MED13: variants seen among roughly 807,000 people sequenced by gnomAD.
MED13 encodes the protein mediator of RNA polymerase II transcription subunit 13.
Under a neutral mutation model 225.2 loss-of-function variants are expected in MED13, and 23 were observed. That is an observed-to-expected ratio of 0.10 (90% CI 0.07 to 0.14). The LOEUF is 0.14. MED13 is among the 10% of genes least tolerant of loss of function. The pLI, the probability that MED13 is intolerant of heterozygous loss-of-function variation, is 1.00. For missense variants in MED13, 2,197 were observed against 2,594.5 expected (o/e 0.85, Z 3.33); for synonymous variants, 942 against 889.2 (o/e 1.06, Z -1.06).
intron 8 of MED13, among the ~76,000 whole-genome samples, chr17:62,022,469 CA>C (rs2143645186): frequency 6.6e-6 from 1 of 151,882 alleles, no homozygotes; most frequent in African/African-American, 2.4e-5. Context: ...ATATTAATAA[CA>C]TTTTTTTCAT....
intron 3 of MED13, among the ~76,000 whole-genome samples, chr17:62,049,496 G>A (rs1442672831): frequency 6.6e-6 from 1 of 152,108 alleles, no homozygotes; most frequent in East Asian, 1.9e-4. Flanking sequence ...CAATGAATGA[G>A]CATGGCTGTG....
chr17:62,027,382 A>G (rs568800117), intron 8 of MED13, among the ~76,000 whole-genome samples: 1 of 152,382 alleles, frequency 6.6e-6, no homozygotes, highest in African/African-American at 2.4e-5. Flanking sequence ...GGCTAGTCAT[A>G]TGCAGATGAC....
rs1568001029 is a variant in MED13, at chr17:62,048,053, T to TATATATATATATAC, written c.470+4483_470+4484insGTATATATATATAT. Among the ~76,000 whole-genome samples, 9 of 142,026 alleles carry TATATATATATATAC rather than the reference T, an allele frequency of 6.3e-5. No homozygotes were observed. In the East Asian group the frequency reaches 1.7e-3, roughly 27 times the overall value. 93.2% of individuals were successfully genotyped at this position (142,026 alleles called of 152,430 possible). On this transcript the variant is annotated intron_variant, in intron 3 of 29. Coordinates refer to ENST00000397786, the MANE Select transcript of MED13 (RefSeq NM_005121.3). ...ATACATATACATATACATATATATA[T>TATATATATATATAC]ATATATATATGTATATATGTATATA...
At chr17:62,028,667 C>T (rs1027384812) in intron 8 of MED13, among the ~76,000 whole-genome samples, 5 of 151,450 alleles carry the variant, frequency 3.3e-5, no homozygotes, top group African/African-American at 9.7e-5. Flanking sequence ...CAGTGAAACC[C>T]TGTCTCTACT....
chr17:62,027,503 C>T (rs908178264), intron 8 of MED13, among the ~76,000 whole-genome samples: 2 of 152,090 alleles, frequency 1.3e-5, no homozygotes, highest in Non-Finnish European at 2.9e-5. Flanking sequence ...GACAATACCA[C>T]TCTGGACACA....
chr17:61,961,690 G>A lies in MED13; in HGVS notation c.5154C>T (p.Ala1718=), dbSNP rs757718825. 8 of 1,613,988 alleles carry A rather than the reference G, an allele frequency of 5.0e-6. No individual in the cohort carries two copies. The highest frequency in any genetic ancestry group is 6.8e-6 in the Non-Finnish European group (8 of 1,180,012). ...GAAGTGGCCTCCGACACTGGGTAAAGGCCGAAAAAGCCAGGGATTTTAAAT... is the reference window on the plus strand; with the variant it reads ...GAAGTGGCCTCCGACACTGGGTAAAAGCCGAAAAAGCCAGGGATTTTAAAT... ...PQHLKSLAFS[A]FTQCRRPLPT... is the part of the protein sequence containing the mutation. Residue 1718 remains alanine (A), a synonymous_variant, in exon 22 of 30, where the codon GCC becomes GCT. Coordinates refer to ENST00000397786, the MANE Select transcript of MED13 (RefSeq NM_005121.3).
At chr17:62,054,767 T>C (rs1186953980) in intron 2 of MED13, among the ~76,000 whole-genome samples, 2 of 152,228 alleles carry the variant, frequency 1.3e-5, no homozygotes, top group Admixed American at 6.5e-5. Context: ...AGAATTATGT[T>C]AGGAATATCT....
chr17:62,060,706 A>ATT (rs1196183842), intron 2 of MED13, among the ~76,000 whole-genome samples: 1 of 144,086 alleles, frequency 6.9e-6, no homozygotes, highest in Non-Finnish European at 1.5e-5. Context: ...ATCACTATCT[A>ATT]TTTTTTTTTT....
intron 2 of MED13, among the ~76,000 whole-genome samples, chr17:62,054,168 G>A (rs1315825917): frequency 1.3e-5 from 2 of 151,868 alleles, no homozygotes; most frequent in African/African-American, 2.4e-5. Flanking sequence ...TTAGCCAGGC[G>A]TCATAGTGCA....
chr17:61,972,965 A>C (rs1347810884), intron 16 of MED13, 77 bp from the exon 17 acceptor site: 1 of 1,263,058 alleles, frequency 7.9e-7, no homozygotes, highest in Non-Finnish European at 1.1e-6. Context: ...ATAATACAAA[A>C]CACATATAGG....
intron 1 of MED13, 138 bp downstream of exon 1, chr17:62,065,002 A>C: frequency 1.6e-6 from 1 of 643,850 alleles, no homozygotes; most frequent in Non-Finnish European, 2.4e-6. Context: ...CTGGCCGCGG[A>C]GCTTCGCAGG....
intron 8 of MED13, among the ~76,000 whole-genome samples, chr17:62,025,089 GCTTA>G (rs1567986018): frequency 6.6e-6 from 1 of 152,036 alleles, no homozygotes; most frequent in East Asian, 1.9e-4. Flanking sequence ...TTTGGGAAAA[GCTTA>G]CTTACATTTA....
chr17:62,049,727 C>A (rs770145686), intron 3 of MED13, among the ~76,000 whole-genome samples: 2 of 151,132 alleles, frequency 1.3e-5, no homozygotes, highest in African/African-American at 4.9e-5. Flanking sequence ...GTCAGGAGAT[C>A]GAGACCATCC....
At chr17:62,050,612 G>A (rs534055808) in intron 3 of MED13, among the ~76,000 whole-genome samples, 1 of 152,170 alleles carries the variant, frequency 6.6e-6, no homozygotes, top group African/African-American at 2.4e-5. Context: ...GAATTAAAAA[G>A]GGCTGCTTCT....
At position 62,010,941 on chromosome 17, in the gene MED13, C is replaced by T. The variant is rs377536341; in HGVS notation, c.1576G>A (p.Glu526Lys). The change falls in exon 9 of 30, where the codon GAA becomes AAA. Residue 526 changes from glutamate (E) to lysine (K), a missense_variant. Glu to Lys is a moderately conservative substitution (Grantham distance 56). Coordinates refer to ENST00000397786, the MANE Select transcript of MED13 (RefSeq NM_005121.3). The stretch of plus-strand genomic sequence containing the variant: ...GGTGGTTGAGGTGAATTTGCCATTT[C>T]GGTGCCATGCATCTGAGGAGTCTTT... ...VAKTPQMHGT[E>K]MANSPQPPPL... The T allele has an allele frequency of 8.7e-6, 14 of 1,612,268 alleles. No homozygotes were observed. In the East Asian group the frequency reaches 8.9e-5, roughly 10 times the overall value.
At chr17:62,034,053 A>G (rs2080781023) in intron 4 of MED13, 69 bp from the exon 5 acceptor site, 2 of 1,336,654 alleles carry the variant, frequency 1.5e-6, no homozygotes, top group Non-Finnish European at 2.1e-6. Flanking sequence ...CACAGTGAAA[A>G]ATGTGGCAAA....
intron 15 of MED13, 51 bp from the exon 16 acceptor site, chr17:61,983,165 T>C: frequency 1.4e-6 from 2 of 1,384,072 alleles, no homozygotes; most frequent in Non-Finnish European, 1.9e-6. Context: ...AAGGAACATA[T>C]TAGTAATGTG....
intron 8 of MED13, among the ~76,000 whole-genome samples, chr17:62,013,327 G>C (rs2080529923): frequency 6.6e-6 from 1 of 151,862 alleles, no homozygotes; most frequent in African/African-American, 2.4e-5. Flanking sequence ...AAATATAAAA[G>C]AATAACACAT....
At chr17:62,003,669 C>T (rs969320395) in intron 9 of MED13, 1 of 142,490 alleles carries the variant, frequency 7.0e-6, no homozygotes, top group Non-Finnish European at 1.5e-5. Context: ...ACTAGTATAA[C>T]CAAAACAATA....
Sources: gnomAD v4.1 joint callset for allele counts (sites outside exome capture counted in the v4.1 genomes callset) on GRCh38, gnomAD v4.1.1 for gene constraint, MANE v1.5 for transcripts, NCBI Gene and HGNC (gene_info 2026-07-23, HGNC 2026-07-21) for gene names.